Variants in MFSD1 observed in about 807,000 individuals in gnomAD.
MFSD1 encodes major facilitator superfamily domain containing 1.
Under a neutral mutation model 67.1 loss-of-function variants are expected in MFSD1, and 59 were observed. The observed-to-expected ratio is 0.88, with a 90% CI of 0.71 to 1.09. The LOEUF is 1.09. Among genes scored for constraint, MFSD1 ranks in the 50% least tolerant of loss-of-function variants. MFSD1 has a pLI of 0.00. For missense variants in MFSD1, 552 were observed against 566.1 expected, an observed-to-expected ratio of 0.97 and a Z score of 0.25; for synonymous variants, 213 against 200.3, an observed-to-expected ratio of 1.06 and a Z score of -0.54.
At chr3:158,815,253 T>C (rs1228770947) in intron 7 of MFSD1, among the ~76,000 whole-genome samples, 1 of 152,160 alleles carries the variant, frequency 6.6e-6, no homozygotes, top group Non-Finnish European at 1.5e-5. Context: ...AACCACTAAG[T>C]TGGGAGTCAG....
chr3:158,815,759 C>T (rs1157667369), intron 7 of MFSD1, among the ~76,000 whole-genome samples: 2 of 151,334 alleles, frequency 1.3e-5, no homozygotes, highest in East Asian at 1.9e-4. Context: ...CCCATTAACT[C>T]GTCATTTAGC....
In MFSD1 at chr3:158,802,187, T is replaced by G; in HGVS notation, c.35T>G (p.Leu12Arg). Residue 12 changes from leucine (L) to arginine (R), a missense_variant, in exon 1 of 16, where the codon CTG becomes CGG. Coordinates refer to ENST00000415822, the MANE Select transcript of MFSD1 (RefSeq NM_022736.4). ...EEEDEEARAL[L>R]AGGPDEADRG... ...GAGGATGAGGAAGCGCGGGCGCTCCTGGCAGGCGGCCCTGACGAGGCCGAC... is the reference window on the plus strand; with the variant it reads ...GAGGATGAGGAAGCGCGGGCGCTCCGGGCAGGCGGCCCTGACGAGGCCGAC... 6.2e-7 allele frequency: 1 copy of G among 1,611,754 alleles called. No individual in the cohort carries two copies. Among genetic ancestry groups the G allele is most frequent in the Non-Finnish European group, 8.5e-7 (1 of 1,179,368 alleles).
At chr3:158,815,039 G>A (rs1303417417) in intron 7 of MFSD1, among the ~76,000 whole-genome samples, 1 of 152,172 alleles carries the variant, frequency 6.6e-6, no homozygotes, top group African/African-American at 2.4e-5. Flanking sequence ...CTGAGATCAC[G>A]CCGTTGCACT....
In MFSD1 at chr3:158,823,192, A is replaced by G. The variant is rs75209898; in HGVS notation, c.1078-236A>G. Reference sequence around the variant, plus strand: ...GGGCCCCAGCCAGTTACATATGCATATAATATGATGACAAATGAAAATGGT... The same window carrying G: ...GGGCCCCAGCCAGTTACATATGCATGTAATATGATGACAAATGAAAATGGT... On this transcript the variant is annotated intron_variant, in intron 11 of 15. Coordinates refer to ENST00000415822, the MANE Select transcript of MFSD1 (RefSeq NM_022736.4). 1,279 of 473,290 alleles carry G rather than the reference A, an allele frequency of 2.7e-3. 13 individuals carry two copies. Among genetic ancestry groups the G allele is most frequent in the African/African-American group, 0.023 (1,179 of 51,588 alleles). The allele number at this position is 473,290 out of a possible 1,614,324, so 29.3% of individuals were successfully genotyped here.
At position 158,802,131 on chromosome 3, in the gene MFSD1, CT is replaced by C. The variant is rs1400594583; in HGVS notation, c.-21del. ...GGTTTGGAGTTGTCACCACTTTCCC[CT>C]CTCCGTCTCCTGCGGGCGCAATGGA... is the stretch of plus-strand genomic sequence containing the variant. On this transcript the variant is annotated 5_prime_UTR_variant, in exon 1 of 16. Coordinates refer to ENST00000415822, the MANE Select transcript of MFSD1 (RefSeq NM_022736.4). 21 of 1,610,978 alleles carry C rather than the reference CT, an allele frequency of 1.3e-5. No individual in the cohort carries two copies. The African/African-American group carries it at 1.7e-4, about 13-fold the overall frequency.
At chr3:158,824,704 G>A (rs1416100493) in intron 13 of MFSD1, among the ~76,000 whole-genome samples, 1 of 152,150 alleles carries the variant, frequency 6.6e-6, no homozygotes, top group African/African-American at 2.4e-5. Context: ...AATAGCATTT[G>A]TCCATAGGTA....
intron 7 of MFSD1, chr3:158,819,399 G>A: frequency 3.2e-6 from 1 of 314,976 alleles, no homozygotes; most frequent in South Asian, 8.6e-5. Context: ...GTTTTTTCTA[G>A]TCTTTTCCTT....
chr3:158,824,248 G>T lies in MFSD1; in HGVS notation c.1288+12G>T, dbSNP rs557456706. 6.5e-7 allele frequency: 1 copy of T among 1,544,564 alleles called. No individual in the cohort carries two copies. The highest frequency in any genetic ancestry group is 1.4e-5 in the African/African-American group (1 of 72,352). ...TGCCTGTGTTTCTTGTGAGTATTCCGTATGACAACATTTTGTTTCTTTTAC... is the reference window on the plus strand; with the variant it reads ...TGCCTGTGTTTCTTGTGAGTATTCCTTATGACAACATTTTGTTTCTTTTAC... On this transcript the variant is annotated intron_variant, in intron 13 of 15. Coordinates refer to ENST00000415822, the MANE Select transcript of MFSD1 (RefSeq NM_022736.4).
chr3:158,812,905 G>A lies in MFSD1; in HGVS notation c.550-1060G>A, dbSNP rs530006614. On this transcript the variant is annotated intron_variant, in intron 6 of 15. Coordinates refer to ENST00000415822, the MANE Select transcript of MFSD1 (RefSeq NM_022736.4). ...GAACTCTCCAGGCAAGCTCCTCTTG[G>A]GGCCTGTGCAGTGGCTGTTCCTTCT... is the stretch of plus-strand genomic sequence containing the variant. Among the ~76,000 whole-genome samples, 5 of 152,032 alleles carry A rather than the reference G, an allele frequency of 3.3e-5. No homozygotes were observed. The East Asian group carries it at 9.7e-4, about 30-fold the overall frequency.
At chr3:158,813,160 T>A (rs1234890716) in intron 6 of MFSD1, among the ~76,000 whole-genome samples, 1 of 151,750 alleles carries the variant, frequency 6.6e-6, no homozygotes, top group Non-Finnish European at 1.5e-5. Context: ...TTCTTTTTTT[T>A]TTTTTGAGAC....
At chr3:158,804,246 T>C in intron 1 of MFSD1, 73 bp from the exon 2 acceptor site, 1 of 1,072,014 alleles carries the variant, frequency 9.3e-7, no homozygotes, top group Non-Finnish European at 1.4e-6. Context: ...AAATTGTAAT[T>C]TCAGTAGCAA....
At chr3:158,812,823 C>G (rs1306230360) in intron 6 of MFSD1, among the ~76,000 whole-genome samples, 4 of 152,118 alleles carry the variant, frequency 2.6e-5, no homozygotes, top group African/African-American at 9.7e-5. Flanking sequence ...GGGACCTCAT[C>G]TCATCCTCTC....
rs1309333170 is a variant in MFSD1, at chr3:158,807,091, G to A, written c.372+9G>A. On this transcript the variant is annotated intron_variant, in intron 4 of 15. Transcript: ENST00000415822. ...TTGTTTGCATTGGACAGGTAAGGAA[G>A]GCCAAAACATTCATTGATTATTGAC... 2 of 1,608,010 alleles carry A rather than the reference G, an allele frequency of 1.2e-6. No homozygotes were observed. Among genetic ancestry groups the A allele is most frequent in the Non-Finnish European group, 1.7e-6 (2 of 1,175,818 alleles).
At chr3:158,814,092 C>G (rs1225447016) in intron 7 of MFSD1, 25 bp downstream of exon 7, 1 of 1,542,960 alleles carries the variant, frequency 6.5e-7, no homozygotes, top group Non-Finnish European at 9.0e-7. Context: ...TGTCCCACAT[C>G]TCTCCTCTTC....
intron 6 of MFSD1, among the ~76,000 whole-genome samples, chr3:158,813,471 TACCTGAAACAGTG>T (rs1469544874): frequency 6.6e-6 from 1 of 152,152 alleles, no homozygotes; most frequent in Non-Finnish European, 1.5e-5. Flanking sequence ...ATATTCCCAA[TACCTGAAACAGTG>T]ACTGGCATGT....
intron 7 of MFSD1, among the ~76,000 whole-genome samples, chr3:158,815,266 G>C (rs1224229099): frequency 6.6e-6 from 1 of 151,894 alleles, no homozygotes. Flanking sequence ...GGAGTCAGGA[G>C]CCCTGGCTCT....
chr3:158,819,626 C>CTTTTTTTT (rs58055234), intron 7 of MFSD1, 23 bp from the exon 8 acceptor site: 1 of 1,011,848 alleles, frequency 9.9e-7, no homozygotes, highest in African/African-American at 1.7e-5. Context: ...GTCTGTTTTT[C>CTTTTTTTT]TTTTTTTTTT....
At chr3:158,812,978 A>C (rs1188946355) in intron 6 of MFSD1, among the ~76,000 whole-genome samples, 2 of 151,978 alleles carry the variant, frequency 1.3e-5, no homozygotes, top group African/African-American at 4.8e-5. Flanking sequence ...GTTTCCTGCA[A>C]GTTTATACGC....
rs1221693998 is a variant in MFSD1 at position 158,821,989 on chromosome 3, T to C, written c.926T>C (p.Val309Ala). Residue 309 changes from valine (V) to alanine (A), a missense_variant, in exon 11 of 16, where the codon GTA becomes GCA. Coordinates refer to ENST00000415822, the MANE Select transcript of MFSD1 (RefSeq NM_022736.4). ...CTTATGTGTTCTCTGGGCAGTGTTG[T>C]ATATGTCATATCAGCTCCCATGTCC... ...SQAASAINSV[V>A]YVISAPMSPV... The C allele has an allele frequency of 6.2e-7, 1 of 1,613,596 alleles. No homozygotes were observed. Among genetic ancestry groups the C allele is most frequent in the South Asian group, 1.1e-5 (1 of 91,050 alleles).
Sources: gnomAD v4.1 joint callset for allele counts (sites outside exome capture counted in the v4.1 genomes callset) on GRCh38, gnomAD v4.1.1 for gene constraint, MANE v1.5 for transcripts, NCBI Gene and HGNC (gene_info 2026-07-23, HGNC 2026-07-21) for gene names.